GPC5: variants seen among roughly 807,000 people sequenced by gnomAD.
GPC5 encodes glypican 5, also known as glypican-5.
A neutral mutation model predicts 53.9 loss-of-function variants in GPC5; 47 were observed. That is an observed-to-expected ratio of 0.87 (90% CI 0.69 to 1.11). GPC5 has a LOEUF of 1.11. GPC5 is among the 50% of genes most tolerant of loss of function. The pLI is 0.00. For synonymous variants in GPC5, 286 were observed against 263.3 expected, an observed-to-expected ratio of 1.09 and a Z score of -0.84; for missense variants, 748 against 713.1, an observed-to-expected ratio of 1.05 and a Z score of -0.56.
intron 7 of GPC5, among the ~76,000 whole-genome samples, chr13:92,443,694 T>C (rs932757654): frequency 5.3e-5 from 8 of 152,212 alleles, no homozygotes; most frequent in Non-Finnish European, 7.3e-5. Context: ...TATTGCTGAC[T>C]GACTGCATGC....
intron 6 of GPC5, chr13:91,996,267 G>A (rs1199335100): frequency 6.6e-6 from 1 of 152,224 alleles, no homozygotes; most frequent in Non-Finnish European, 1.5e-5. Flanking sequence ...TGTTAGATCA[G>A]TTATCTCCAC....
intron 7 of GPC5, among the ~76,000 whole-genome samples, chr13:92,735,090 C>T (rs1241015249): frequency 6.6e-6 from 1 of 151,816 alleles, no homozygotes; most frequent in East Asian, 1.9e-4. Flanking sequence ...ATATTGCCAA[C>T]AAATAGAAAA....
chr13:92,153,283 C>T (rs186686242), intron 7 of GPC5, among the ~76,000 whole-genome samples: 1 of 152,196 alleles, frequency 6.6e-6, no homozygotes, highest in Admixed American at 6.5e-5. Context: ...CATGTGCTAC[C>T]ACACCCAGCT....
intron 7 of GPC5, among the ~76,000 whole-genome samples, chr13:92,846,642 G>A (rs1878620978): frequency 6.6e-6 from 1 of 152,160 alleles, no homozygotes. Flanking sequence ...GCTAATATTA[G>A]TGAGAGTGAA....
intron 2 of GPC5, among the ~76,000 whole-genome samples, chr13:91,616,553 A>G (rs2139338596): frequency 6.6e-6 from 1 of 152,200 alleles, no homozygotes; most frequent in South Asian, 2.1e-4. Context: ...TTCATTAAGG[A>G]CTTTTATGGC....
intron 6 of GPC5, among the ~76,000 whole-genome samples, chr13:92,071,294 T>C (rs1351952135): frequency 6.6e-6 from 1 of 152,176 alleles, no homozygotes; most frequent in Non-Finnish European, 1.5e-5. Context: ...GTTACAAATA[T>C]TTATTAAAAA....
chr13:92,183,821 C>G (rs1485400251), intron 7 of GPC5, among the ~76,000 whole-genome samples: 2 of 151,952 alleles, frequency 1.3e-5, no homozygotes, highest in Admixed American at 6.6e-5. Context: ...TCTCTTACAA[C>G]TTTAGTCAAT....
At chr13:92,514,071 G>T (rs1315644900) in intron 7 of GPC5, among the ~76,000 whole-genome samples, 3 of 151,356 alleles carry the variant, frequency 2.0e-5, no homozygotes, top group Non-Finnish European at 4.4e-5. Context: ...AGGGAGTAAG[G>T]CTAAAAAAAT....
At chr13:92,714,669 G>C (rs1888265621) in intron 7 of GPC5, among the ~76,000 whole-genome samples, 1 of 152,162 alleles carries the variant, frequency 6.6e-6, no homozygotes, top group African/African-American at 2.4e-5. Context: ...AATTGTGATA[G>C]TAAGAGGCAG....
Position 91,920,924 on chromosome 13 carries a change from CTCTTTTTTTTTTTTTTT to C in GPC5, c.1401+12869_1401+12885del, listed in dbSNP as rs1396887112. Among the ~76,000 whole-genome samples, 21 of 59,594 alleles carry C rather than the reference CTCTTTTTTTTTTTTTTT, an allele frequency of 3.5e-4. No individual in the cohort carries two copies. The South Asian group carries it at 0.016, about 45-fold the overall frequency. 39.1% of individuals were successfully genotyped at this position (59,594 alleles called of 152,430 possible). On this transcript the variant is annotated intron_variant, in intron 6 of 7. Coordinates refer to ENST00000377067, the MANE Select transcript of GPC5 (RefSeq NM_004466.6). ...TTTTTAAATCTCTCTCTCTCTCTCT[CTCTTTTTTTTTTTTTTT>C]TTTTTTTTTTTTTTGAGATAGAGTT...
chr13:92,567,182 G>A (rs1241516324), intron 7 of GPC5, among the ~76,000 whole-genome samples: 5 of 152,038 alleles, frequency 3.3e-5, no homozygotes. Context: ...AAAATTTCCC[G>A]AGGCCAAAAT....
chr13:91,941,608 C>A (rs972135243), intron 6 of GPC5, among the ~76,000 whole-genome samples: 4 of 152,066 alleles, frequency 2.6e-5, no homozygotes, highest in African/African-American at 9.7e-5. Context: ...ATGGGTATAA[C>A]CACAGCTGAA....
intron 7 of GPC5, among the ~76,000 whole-genome samples, chr13:92,722,559 T>C (rs1888535092): frequency 6.6e-6 from 1 of 151,936 alleles, no homozygotes; most frequent in Non-Finnish European, 1.5e-5. Flanking sequence ...CAGTCTTTCT[T>C]CTGGACTGGA....
chr13:91,600,751 G>T (rs1350942682), intron 2 of GPC5, among the ~76,000 whole-genome samples: 1 of 152,038 alleles, frequency 6.6e-6, no homozygotes, highest in East Asian at 1.9e-4. Context: ...TAATGCATCA[G>T]ATTGCACTTG....
intron 1 of GPC5, among the ~76,000 whole-genome samples, chr13:91,424,950 C>G (rs1202517716): frequency 6.6e-6 from 1 of 152,014 alleles, no homozygotes; most frequent in Non-Finnish European, 1.5e-5. Flanking sequence ...TTAGTTAAAC[C>G]CTTGACTAGG....
At chr13:92,695,698 T>C (rs1162135682) in intron 7 of GPC5, among the ~76,000 whole-genome samples, 1 of 151,228 alleles carries the variant, frequency 6.6e-6, no homozygotes, top group Non-Finnish European at 1.5e-5. Context: ...AAAAATTTTA[T>C]GAGTTTTTTT....
chr13:91,720,203 A>C (rs79945250), intron 3 of GPC5, among the ~76,000 whole-genome samples: 1,787 of 152,192 alleles, frequency 0.012, 33 homozygotes, highest in African/African-American at 0.041. Context: ...AATTCCGTGA[A>C]TGATTTGTGT....
At chr13:91,531,927 A>G (rs934701615) in intron 2 of GPC5, among the ~76,000 whole-genome samples, 7 of 152,282 alleles carry the variant, frequency 4.6e-5, no homozygotes, top group African/African-American at 1.7e-4. Flanking sequence ...TGCTAATAAG[A>G]CTAAATAAAT....
intron 7 of GPC5, among the ~76,000 whole-genome samples, chr13:92,590,749 G>T (rs758857769): frequency 1.3e-5 from 2 of 152,198 alleles, no homozygotes; most frequent in Non-Finnish European, 2.9e-5. Context: ...CGTCTACACT[G>T]CTACTCATTG....
Sources: allele counts gnomAD v4.1 joint callset (sites outside exome capture counted in the v4.1 genomes callset), GRCh38; gene constraint gnomAD v4.1.1; transcripts MANE v1.5; gene names NCBI Gene and HGNC (gene_info 2026-07-23, HGNC 2026-07-21).